SHROOM3: variants seen among roughly 807,000 people sequenced by gnomAD.
SHROOM3 encodes protein Shroom3.
In SHROOM3, 47 loss-of-function variants were observed where a neutral mutation model predicts 138.6. That is an observed-to-expected ratio of 0.34 (90% CI 0.27 to 0.43). The LOEUF (loss-of-function observed/expected upper bound fraction) is 0.43. Ranked by LOEUF, SHROOM3 falls within the 20% of genes least tolerant of loss-of-function variation. The pLI, the probability that SHROOM3 is intolerant of heterozygous loss-of-function variation, is 1.00. For synonymous variants in SHROOM3, 1,062 were observed against 1,063.3 expected (o/e 1.00, Z 0.02); for missense variants, 2,491 against 2,596.5 (o/e 0.96, Z 0.88).
chr4:76,542,390 G>A lies in SHROOM3; in HGVS notation c.169-13219G>A, dbSNP rs1733122942. ...AGTCCATGTGACTATGTTGTGTTAC[G>A]TGCCATGGGAAATAAAGGTTGCAGA... is the stretch of plus-strand genomic sequence containing the variant. On this transcript the variant is annotated intron_variant, in intron 1 of 10. Coordinates refer to ENST00000296043, the MANE Select transcript of SHROOM3 (RefSeq NM_020859.4). Among the ~76,000 whole-genome samples the A allele has an allele frequency of 2.6e-5, 4 of 152,270 alleles. No individual in the cohort carries two copies. The South Asian group carries it at 8.3e-4, about 32-fold the overall frequency.
chr4:76,624,461 G>A (rs143496207), intron 2 of SHROOM3, among the ~76,000 whole-genome samples: 22 of 152,250 alleles, frequency 1.4e-4, no homozygotes, highest in Admixed American at 2.6e-4. Context: ...TTTCCTGGGA[G>A]ATGAAGCATG....
intron 2 of SHROOM3, among the ~76,000 whole-genome samples, chr4:76,647,928 A>G (rs1260317643): frequency 1.3e-5 from 2 of 152,164 alleles, no homozygotes; most frequent in African/African-American, 2.4e-5. Flanking sequence ...GAAAAAAACT[A>G]TGGACCTAGA....
At chr4:76,763,663 T>A (rs904448834) in intron 9 of SHROOM3, among the ~76,000 whole-genome samples, 2 of 152,166 alleles carry the variant, frequency 1.3e-5, no homozygotes, top group African/African-American at 4.8e-5. Flanking sequence ...CAGTAGGTCA[T>A]AAGGTCATGT....
At chr4:76,768,444 ATAAT>A (rs1201162405) in intron 9 of SHROOM3, among the ~76,000 whole-genome samples, 1 of 152,216 alleles carries the variant, frequency 6.6e-6, no homozygotes, top group African/African-American at 2.4e-5. Context: ...GAAAACTTAA[ATAAT>A]TAATATTAAG....
chr4:76,668,647 C>T (rs866055788), intron 2 of SHROOM3, among the ~76,000 whole-genome samples: 1 of 152,018 alleles, frequency 6.6e-6, no homozygotes, highest in African/African-American at 2.4e-5. Flanking sequence ...CTAATGAAAG[C>T]GTATTGTGAA....
At chr4:76,505,660 C>CT (rs201633763) in intron 1 of SHROOM3, among the ~76,000 whole-genome samples, 19,834 of 135,758 alleles carry the variant, frequency 0.15, 1,583 homozygotes, top group East Asian at 0.24. Context: ...GGTATTGTGA[C>CT]TTTTTTTTTT....
chr4:76,580,470 G>A (rs1222232263), intron 2 of SHROOM3, among the ~76,000 whole-genome samples: 1 of 48,230 alleles, frequency 2.1e-5, no homozygotes, highest in Non-Finnish European at 3.9e-5. Context: ...TTTTTTTTTT[G>A]AGATGGAGTT....
At chr4:76,574,516 C>G (rs1429459125) in intron 2 of SHROOM3, among the ~76,000 whole-genome samples, 1 of 152,114 alleles carries the variant, frequency 6.6e-6, no homozygotes, top group African/African-American at 2.4e-5. Context: ...CTACCAACGC[C>G]TTTCTTACCA....
At chr4:76,644,560 A>T (rs562634349) in intron 2 of SHROOM3, among the ~76,000 whole-genome samples, 2 of 151,008 alleles carry the variant, frequency 1.3e-5, no homozygotes, top group South Asian at 4.2e-4. Flanking sequence ...ATGTCAGGAC[A>T]TACGGGGTTT....
chr4:76,485,279 GT>G (rs1731705197), intron 1 of SHROOM3, among the ~76,000 whole-genome samples: 1 of 152,172 alleles, frequency 6.6e-6, no homozygotes. Context: ...TTTGGCTAAA[GT>G]TGATAAGAAG....
At chr4:76,771,008 T>C (rs1460196138) in intron 10 of SHROOM3, 110 bp downstream of exon 10, 5 of 1,403,166 alleles carry the variant, frequency 3.6e-6, no homozygotes, top group South Asian at 3.5e-5. Context: ...GGCAATCTCT[T>C]TGGGGCAGGG....
intron 2 of SHROOM3, among the ~76,000 whole-genome samples, chr4:76,625,419 A>G (rs1164289103): frequency 6.6e-6 from 1 of 151,872 alleles, no homozygotes; most frequent in Non-Finnish European, 1.5e-5. Context: ...GTGATAACCA[A>G]TCTTCTGTCT....
chr4:76,611,401 G>A (rs1476310791), intron 2 of SHROOM3, among the ~76,000 whole-genome samples: 1 of 151,960 alleles, frequency 6.6e-6, no homozygotes, highest in Non-Finnish European at 1.5e-5. Context: ...TTCTTATCGG[G>A]AATGCTGGAT....
intron 9 of SHROOM3, among the ~76,000 whole-genome samples, chr4:76,764,074 G>C (rs1008902500): frequency 6.6e-6 from 1 of 152,156 alleles, no homozygotes; most frequent in African/African-American, 2.4e-5. Flanking sequence ...CTAGGAACTA[G>C]AGTCTTGGTT....
chr4:76,685,802 AACCCATCTCT>A (rs1285805507), intron 2 of SHROOM3, among the ~76,000 whole-genome samples: 1 of 152,148 alleles, frequency 6.6e-6, no homozygotes, highest in Non-Finnish European at 1.5e-5. Context: ...AACATGGTGA[AACCCATCTCT>A]ACTAAAAGTA....
chr4:76,572,579 A>G (rs1181043573), intron 2 of SHROOM3, among the ~76,000 whole-genome samples: 1 of 152,190 alleles, frequency 6.6e-6, no homozygotes, highest in African/African-American at 2.4e-5. Flanking sequence ...TTAAAGACTC[A>G]TTTCATAATT....
chr4:76,730,199 T>G (rs1720832491), intron 3 of SHROOM3, among the ~76,000 whole-genome samples: 1 of 152,366 alleles, frequency 6.6e-6, no homozygotes, highest in East Asian at 1.9e-4. Flanking sequence ...GTTTAAAAGT[T>G]GAAGTCATTG....
chr4:76,761,220 T>G (rs1721979557), intron 9 of SHROOM3, among the ~76,000 whole-genome samples: 1 of 152,142 alleles, frequency 6.6e-6, no homozygotes, highest in East Asian at 1.9e-4. Context: ...TGTCTGCTGG[T>G]CCCATATTTA....
At chr4:76,561,651 C>G (rs1733598377) in intron 2 of SHROOM3, among the ~76,000 whole-genome samples, 1 of 148,826 alleles carries the variant, frequency 6.7e-6, no homozygotes. Flanking sequence ...GCTTTCTATT[C>G]CACTGCCTCC....
Sources: gnomAD v4.1 joint callset for allele counts (sites outside exome capture counted in the v4.1 genomes callset) on GRCh38, gnomAD v4.1.1 for gene constraint, MANE v1.5 for transcripts, NCBI Gene and HGNC (gene_info 2026-07-23, HGNC 2026-07-21) for gene names.